Variants in IL1RAP observed in about 807,000 individuals in gnomAD.
IL1RAP encodes interleukin-1 receptor accessory protein.
In IL1RAP, 35 loss-of-function variants were observed where a neutral mutation model predicts 60.7. The observed-to-expected ratio is 0.58, with a 90% confidence interval of 0.44 to 0.76. IL1RAP has a LOEUF of 0.76. Among genes scored for constraint, IL1RAP ranks in the 30% least tolerant of loss-of-function variants. The pLI is 0.00. For missense variants in IL1RAP, 572 were observed against 693.9 expected (o/e 0.82, Z 1.97); for synonymous variants, 268 against 250.9 (o/e 1.07, Z -0.64).
At chr3:190,655,607 T>TGTGTGTA (rs1734591779), downstream of IL1RAP, among the ~76,000 whole-genome samples, 1 of 94,632 alleles carries the variant, frequency 1.1e-5, no homozygotes, top group African/African-American at 3.9e-5. Context: ...GTGTGTGTGT[T>TGTGTGTA]TTAAGAAAGA....
intron 3 of IL1RAP, among the ~76,000 whole-genome samples, chr3:190,589,340 C>T (rs1242145724): frequency 6.6e-6 from 1 of 152,162 alleles, no homozygotes; most frequent in South Asian, 2.1e-4. Flanking sequence ...TTTCTCCAAA[C>T]CCCATTTCTC....
At chr3:190,612,531 T>C (rs1249410611) in intron 5 of IL1RAP, among the ~76,000 whole-genome samples, 1 of 152,204 alleles carries the variant, frequency 6.6e-6, no homozygotes, top group Non-Finnish European at 1.5e-5. Context: ...ATCATATTTC[T>C]CTCATGTATT....
chr3:190,581,661 A>G (rs1313469149), intron 3 of IL1RAP, among the ~76,000 whole-genome samples: 2 of 152,222 alleles, frequency 1.3e-5, no homozygotes, highest in African/African-American at 4.8e-5. Flanking sequence ...ATTCTCTGCC[A>G]CCTTCCCTGG....
At chr3:190,562,092 A>T (rs1177548085) in intron 2 of IL1RAP, among the ~76,000 whole-genome samples, 1 of 152,094 alleles carries the variant, frequency 6.6e-6, no homozygotes, top group Non-Finnish European at 1.5e-5. Flanking sequence ...TCTTTTTCTA[A>T]AACCTTGTGC....
chr3:190,593,180 G>A (rs1729092806), intron 3 of IL1RAP, among the ~76,000 whole-genome samples: 1 of 150,728 alleles, frequency 6.6e-6, no homozygotes, highest in Non-Finnish European at 1.5e-5. Context: ...ATTCAATCAA[G>A]AAAACTTCCT....
Position 190,627,301 on chromosome 3 carries a change from T to G in IL1RAP, c.776-22T>G, listed in dbSNP as rs200736305. On this transcript the variant is annotated intron_variant, in intron 7 of 11. Coordinates refer to ENST00000447382, the MANE Select transcript of IL1RAP (RefSeq NM_002182.4). Reference sequence around the variant, plus strand: ...TTTGTTTTGTTTTTTGTTTTTTTTGTTTTTTTGGTTTTTTTTTTCAGGAGA... The same window carrying G: ...TTTGTTTTGTTTTTTGTTTTTTTTGGTTTTTTGGTTTTTTTTTTCAGGAGA... 59 of 1,445,518 alleles carry G rather than the reference T, an allele frequency of 4.1e-5. No homozygotes were observed. In the East Asian group the frequency reaches 1.2e-3, roughly 30 times the overall value. The allele number at this position is 1,445,518 out of a possible 1,614,324, so 89.5% of individuals were successfully genotyped here.
chr3:190,569,000 A>G (rs73886484), intron 3 of IL1RAP, among the ~76,000 whole-genome samples: 6,651 of 152,274 alleles, frequency 0.044, 281 homozygotes, highest in East Asian at 0.1. Context: ...CAATCCTATC[A>G]GGAGATATTG....
At chr3:190,523,638 C>A (rs565967487) in intron 1 of IL1RAP, among the ~76,000 whole-genome samples, 3 of 152,060 alleles carry the variant, frequency 2.0e-5, no homozygotes, top group Non-Finnish European at 4.4e-5. Context: ...CTGTTCCTCT[C>A]TTAGTTTGCT....
At chr3:190,545,983 C>G (rs943595764) in intron 1 of IL1RAP, among the ~76,000 whole-genome samples, 1 of 152,132 alleles carries the variant, frequency 6.6e-6, no homozygotes, top group Admixed American at 6.5e-5. Context: ...AATGGAACAT[C>G]CTTTTCGTGG....
rs58490702 is a variant in IL1RAP, at chr3:190,529,686, G to GAA, written c.-89+15483_-89+15484dup. On this transcript the variant is annotated intron_variant, in intron 1 of 11. Coordinates refer to ENST00000447382, the MANE Select transcript of IL1RAP (RefSeq NM_002182.4). ...GCGACAGAGCTAGACTGTCTCAAAA[G>GAA]AAAAAAAAAAAAAAAAATTTAGCCG... Among the ~76,000 whole-genome samples, 229 of 101,968 alleles carry GAA rather than the reference G, an allele frequency of 2.2e-3. 4 individuals carry two copies. Among genetic ancestry groups the GAA allele is most frequent in the African/African-American group, 6.0e-3 (163 of 27,124 alleles). The allele number at this position is 101,968 out of a possible 152,430, so 66.9% of individuals were successfully genotyped here.
chr3:190,637,002 T>C (rs1239333551), intron 9 of IL1RAP, among the ~76,000 whole-genome samples: 1 of 152,196 alleles, frequency 6.6e-6, no homozygotes, highest in Non-Finnish European at 1.5e-5. Flanking sequence ...CCTAAACTTA[T>C]CAGTTGATCT....
intron 1 of IL1RAP, among the ~76,000 whole-genome samples, chr3:190,537,773 A>T (rs912068663): frequency 2.0e-5 from 3 of 152,234 alleles, no homozygotes; most frequent in African/African-American, 7.2e-5. Flanking sequence ...TGGCGATCAG[A>T]TACCCCCTGC....
rs1156907388 is a variant in IL1RAP at position 190,650,620 on chromosome 3, C to T, written c.*1915C>T. 4 of 864,660 alleles carry T rather than the reference C, an allele frequency of 4.6e-6. No homozygotes were observed. Among genetic ancestry groups the T allele is most frequent in the Non-Finnish European group, 5.6e-6 (4 of 720,330 alleles). The allele number at this position is 864,660 out of a possible 1,614,324, so 53.6% of individuals were successfully genotyped here. On this transcript the variant is annotated 3_prime_UTR_variant, in exon 12 of 12. Transcript: ENST00000447382. ...TTTAAGTACCCATAATAAATCATTT[C>T]CCTCTATAAGTGTTATTGATTATTT... is the stretch of plus-strand genomic sequence containing the variant.
intron 10 of IL1RAP, among the ~76,000 whole-genome samples, 190 bp downstream of exon 10, chr3:190,644,587 T>A (rs1040787083): frequency 1.3e-5 from 2 of 152,196 alleles, no homozygotes; most frequent in South Asian, 2.1e-4. Context: ...TTTTCTTGGA[T>A]TAATTAGTGA....
intron 5 of IL1RAP, among the ~76,000 whole-genome samples, chr3:190,618,921 C>T (rs898381446): frequency 5.9e-5 from 9 of 152,116 alleles, no homozygotes; most frequent in Admixed American, 3.3e-4. Context: ...CAAAGCATTA[C>T]AAAATGTGCC....
chr3:190,551,152 A>G (rs1724827643), intron 1 of IL1RAP, among the ~76,000 whole-genome samples: 1 of 152,198 alleles, frequency 6.6e-6, no homozygotes. Context: ...GACATTCTCT[A>G]CTGACCACAG....
chr3:190,555,180 T>A (rs1277864586), intron 1 of IL1RAP, among the ~76,000 whole-genome samples: 1 of 152,170 alleles, frequency 6.6e-6, no homozygotes, highest in African/African-American at 2.4e-5. Context: ...TGGAGGTGAC[T>A]GGATCTTAGT....
At chr3:190,577,100 C>CAA (rs34108263) in intron 3 of IL1RAP, among the ~76,000 whole-genome samples, 6,027 of 86,234 alleles carry the variant, frequency 0.07, 284 homozygotes, top group African/African-American at 0.088. Flanking sequence ...GACTCCGTCT[C>CAA]AAAAAAAAAA....
downstream of IL1RAP, chr3:190,656,410 C>T: frequency 2.0e-6 from 3 of 1,537,202 alleles, no homozygotes; most frequent in Non-Finnish European, 2.6e-6. Flanking sequence ...AGAGAATCAC[C>T]TTAGGAACAA....
Sources: gnomAD v4.1 joint callset for allele counts (sites outside exome capture counted in the v4.1 genomes callset) on GRCh38, gnomAD v4.1.1 for gene constraint, MANE v1.5 for transcripts, NCBI Gene and HGNC (gene_info 2026-07-23, HGNC 2026-07-21) for gene names.